The following TASP1 variants were observed in gnomAD, a reference collection of about 807,000 sequenced individuals.
TASP1 encodes taspase 1.
Under a neutral mutation model 56.6 loss-of-function variants are expected in TASP1, and 16 were observed. The ratio of observed to expected loss-of-function variants is 0.28; its 90% CI spans 0.19 to 0.43. The LOEUF is 0.43. TASP1 is among the 20% of genes least tolerant of loss of function. The pLI is 1.00. For synonymous variants in TASP1, 179 were observed against 184.2 expected (o/e 0.97, Z 0.23); for missense variants, 393 against 511.6 (o/e 0.77, Z 2.24).
intron 10 of TASP1, among the ~76,000 whole-genome samples, chr20:13,524,071 C>T (rs1220964345): frequency 6.6e-6 from 1 of 151,954 alleles, no homozygotes; most frequent in African/African-American, 2.4e-5. Flanking sequence ...ATCACTTGAG[C>T]CCAGGAGTCC....
intron 8 of TASP1, among the ~76,000 whole-genome samples, chr20:13,548,125 C>G (rs1428576898): frequency 6.6e-6 from 1 of 152,156 alleles, no homozygotes; most frequent in Non-Finnish European, 1.5e-5. Flanking sequence ...ACAGCCATGT[C>G]TGCTCCCATA....
chr20:13,513,594 A>C (rs1404589760), intron 10 of TASP1, among the ~76,000 whole-genome samples: 1 of 152,194 alleles, frequency 6.6e-6, no homozygotes, highest in Non-Finnish European at 1.5e-5. Context: ...AGTTGTTTAC[A>C]TTGCAATTAT....
At chr20:13,187,782 C>T in the TASP1 span, among the ~76,000 whole-genome samples, 3 of 138,648 alleles carry the variant, frequency 2.2e-5, no homozygotes, top group Non-Finnish European at 4.7e-5. Flanking sequence ...TGAAAGAAAC[C>T]AAAGGAAAAA....
chr20:13,215,250 G>T, the TASP1 span, among the ~76,000 whole-genome samples: 2 of 152,206 alleles, frequency 1.3e-5, no homozygotes, highest in African/African-American at 4.8e-5. Flanking sequence ...TGCCTCAACT[G>T]TAAAGGAAGC....
the TASP1 span, among the ~76,000 whole-genome samples, chr20:13,334,712 T>C: frequency 6.6e-6 from 1 of 152,214 alleles, no homozygotes; most frequent in Admixed American, 6.5e-5. Context: ...ATGGGTCTAG[T>C]ATCCAAAAAA....
the TASP1 span, among the ~76,000 whole-genome samples, chr20:13,379,439 G>C: frequency 6.6e-6 from 1 of 152,204 alleles, no homozygotes; most frequent in Non-Finnish European, 1.5e-5. Context: ...TCTGCAGAGA[G>C]ATCCACTGTT....
chr20:13,108,726 C>T, the TASP1 span, among the ~76,000 whole-genome samples: 117 of 151,994 alleles, frequency 7.7e-4, 1 homozygote, highest in African/African-American at 2.7e-3. Flanking sequence ...AGGTGCCTAC[C>T]ACCATACCCA....
At chr20:13,517,093 C>A (rs1419647997) in intron 10 of TASP1, among the ~76,000 whole-genome samples, 1 of 152,066 alleles carries the variant, frequency 6.6e-6, no homozygotes, top group East Asian at 1.9e-4. Context: ...AGTGCATATT[C>A]CCTAGGTGAA....
intron 8 of TASP1, among the ~76,000 whole-genome samples, chr20:13,544,581 C>A (rs2045740766): frequency 6.6e-6 from 1 of 152,164 alleles, no homozygotes; most frequent in South Asian, 2.1e-4. Flanking sequence ...GATATGAATT[C>A]ATTACTGGGC....
intron 4 of TASP1, among the ~76,000 whole-genome samples, chr20:13,612,616 T>TTATAGGATAA (rs1214040151): frequency 6.6e-6 from 1 of 151,692 alleles, no homozygotes; most frequent in East Asian, 1.9e-4. Context: ...GGTAAAATAA[T>TTATAGGATAA]TATAGGATAA....
At chr20:13,124,979 G>T in the TASP1 span, among the ~76,000 whole-genome samples, 1 of 152,184 alleles carries the variant, frequency 6.6e-6, no homozygotes, top group East Asian at 1.9e-4. Context: ...TCTGAGCTGT[G>T]CCGTTATTCT....
At chr20:13,263,727 G>A in the TASP1 span, among the ~76,000 whole-genome samples, 2 of 152,196 alleles carry the variant, frequency 1.3e-5, no homozygotes, top group East Asian at 3.9e-4. Context: ...GTGCCTGGGT[G>A]CAGTATGGCT....
the TASP1 span, among the ~76,000 whole-genome samples, chr20:13,228,933 G>C: frequency 4.6e-5 from 7 of 152,158 alleles, no homozygotes; most frequent in East Asian, 5.8e-4. Flanking sequence ...ATAACTGAAC[G>C]CTCATAGTAA....
At chr20:13,445,963 A>T (rs1174313032) in intron 11 of TASP1, among the ~76,000 whole-genome samples, 2 of 152,336 alleles carry the variant, frequency 1.3e-5, no homozygotes, top group East Asian at 3.9e-4. Flanking sequence ...AATATTTAAG[A>T]ATCAGTTCTG....
chr20:13,399,906 C>T (rs2041674775), intron 13 of TASP1, among the ~76,000 whole-genome samples: 1 of 152,196 alleles, frequency 6.6e-6, no homozygotes, highest in South Asian at 2.1e-4. Context: ...ACACACCAGG[C>T]ACACTCCTAC....
chr20:13,597,388 C>T (rs1027555254), intron 4 of TASP1, among the ~76,000 whole-genome samples: 3 of 152,186 alleles, frequency 2.0e-5, no homozygotes, highest in Admixed American at 1.3e-4. Context: ...ATACACAAAT[C>T]AATAAACATA....
At chr20:13,224,915 T>C in the TASP1 span, among the ~76,000 whole-genome samples, 3 of 148,870 alleles carry the variant, frequency 2.0e-5, no homozygotes, top group Non-Finnish European at 4.5e-5. Context: ...GCGCGATCTC[T>C]GCTCACTGCA....
the TASP1 span, among the ~76,000 whole-genome samples, chr20:13,159,169 AG>A: frequency 2.0e-5 from 3 of 152,240 alleles, no homozygotes; most frequent in African/African-American, 7.2e-5. Context: ...GCTCTGGAAA[AG>A]AAATAGACTA....
intron 10 of TASP1, among the ~76,000 whole-genome samples, chr20:13,496,787 C>T (rs1296441889): frequency 2.6e-5 from 4 of 152,124 alleles, no homozygotes; most frequent in Non-Finnish European, 5.9e-5. Flanking sequence ...TTCCAAGAGT[C>T]CAGCACTCCC....
Sources: allele counts gnomAD v4.1 joint callset (sites outside exome capture counted in the v4.1 genomes callset), GRCh38; gene constraint gnomAD v4.1.1; transcripts MANE v1.5; gene names NCBI Gene and HGNC (gene_info 2026-07-23, HGNC 2026-07-21).